Variants in ANK2 observed in about 807,000 individuals in gnomAD.
The protein encoded by ANK2 is ankyrin-2.
A neutral mutation model predicts 360.5 loss-of-function variants in ANK2; 83 were observed. The observed-to-expected ratio is 0.23, with a 90% CI of 0.19 to 0.28. The LOEUF is 0.28. ANK2 is among the 10% of genes least tolerant of loss of function. The pLI is 1.00. For missense variants in ANK2, 4,201 were observed against 4,795.7 expected (o/e 0.88, Z 3.66); for synonymous variants, 1,740 against 1,759.5 (o/e 0.99, Z 0.28).
chr4:113,350,369 C>T (rs1053597286), intron 37 of ANK2, 120 bp downstream of exon 37: 3 of 779,674 alleles, frequency 3.8e-6, no homozygotes, highest in African/African-American at 3.5e-5. Context: ...TTTATATTAT[C>T]CTTATTAATC....
At chr4:113,242,606 C>A (rs2040582834) in intron 9 of ANK2, among the ~76,000 whole-genome samples, 1 of 152,284 alleles carries the variant, frequency 6.6e-6, no homozygotes, top group Admixed American at 6.5e-5. Flanking sequence ...TGTTTACAAT[C>A]TTTTGCTTCT....
intron 2 of ANK2, among the ~76,000 whole-genome samples, chr4:113,039,605 T>A (rs1404096243): frequency 6.6e-6 from 1 of 152,026 alleles, no homozygotes; most frequent in Non-Finnish European, 1.5e-5. Context: ...TGGGGGCTCC[T>A]GAATTCATTT....
At chr4:112,760,914 C>T in the ANK2 span, among the ~76,000 whole-genome samples, 1 of 150,370 alleles carries the variant, frequency 6.7e-6, no homozygotes, top group Non-Finnish European at 1.5e-5. Context: ...TCAAGCAATT[C>T]TCCTGCTTCA....
chr4:112,994,689 A>C (rs938550895), intron 2 of ANK2, among the ~76,000 whole-genome samples: 1 of 152,136 alleles, frequency 6.6e-6, no homozygotes. Flanking sequence ...GGTTTGGGGC[A>C]TGAATGATCC....
intron 40 of ANK2, 115 bp downstream of exon 40, chr4:113,363,584 A>G: frequency 8.0e-6 from 9 of 1,126,282 alleles, no homozygotes; most frequent in Non-Finnish European, 1.2e-5. Flanking sequence ...TCTGCAGTAC[A>G]GTGGGTCCTT....
chr4:113,281,690 A>C (rs190124970), intron 17 of ANK2, among the ~76,000 whole-genome samples: 1 of 152,224 alleles, frequency 6.6e-6, no homozygotes, highest in Non-Finnish European at 1.5e-5. Flanking sequence ...CGGATTTGAT[A>C]AAGAAAAGGA....
At chr4:113,013,236 T>C (rs2055376642) in intron 2 of ANK2, among the ~76,000 whole-genome samples, 1 of 152,166 alleles carries the variant, frequency 6.6e-6, no homozygotes, top group Non-Finnish European at 1.5e-5. Context: ...AGGGTGGTAA[T>C]TTAGCAGCCT....
chr4:112,856,919 G>A (rs1204959832), intron 1 of ANK2, among the ~76,000 whole-genome samples: 1 of 152,178 alleles, frequency 6.6e-6, no homozygotes, highest in Non-Finnish European at 1.5e-5. Flanking sequence ...GTCAGGGTTG[G>A]AAAATTACTG....
Position 113,381,069 on chromosome 4 carries a change from A to G in ANK2, c.11860-388A>G, listed in dbSNP as rs77127351. On this transcript the variant is annotated intron_variant, in intron 45 of 45. Transcript: ENST00000357077. ...TAAAAAAAGGTTTTTTTAGCCTGTC[A>G]AAAGGTACTTGTGGTACTATTTCAG... 5.9e-5 allele frequency among the ~76,000 whole-genome samples: 9 copies of G among 152,352 alleles called. No individual in the cohort carries two copies. In the East Asian group the frequency reaches 1.5e-3, roughly 26 times the overall value.
upstream of ANK2, among the ~76,000 whole-genome samples, chr4:113,048,522 C>T (rs1405016898): frequency 6.7e-6 from 1 of 150,360 alleles, no homozygotes; most frequent in African/African-American, 2.4e-5. Context: ...ATCCACCTGC[C>T]TTGGCCTCCC....
intron 1 of ANK2, among the ~76,000 whole-genome samples, chr4:112,831,315 T>G (rs1434029093): frequency 6.6e-6 from 1 of 152,172 alleles, no homozygotes; most frequent in Non-Finnish European, 1.5e-5. Context: ...AGCTAAAGGA[T>G]TGTAAATGCA....
intron 1 of ANK2, among the ~76,000 whole-genome samples, chr4:112,895,924 C>G (rs543532498): frequency 2.6e-5 from 4 of 152,228 alleles, no homozygotes; most frequent in Admixed American, 1.3e-4. Flanking sequence ...GTCTGTGATT[C>G]AGCGTTGCTG....
At chr4:112,995,778 G>A (rs2048300659) in intron 2 of ANK2, among the ~76,000 whole-genome samples, 1 of 152,124 alleles carries the variant, frequency 6.6e-6, no homozygotes, top group African/African-American at 2.4e-5. Flanking sequence ...ATGGTGATAG[G>A]TAGGGGTCCA....
chr4:113,029,510 C>T (rs1303082363), intron 2 of ANK2, among the ~76,000 whole-genome samples: 2 of 152,020 alleles, frequency 1.3e-5, no homozygotes, highest in Non-Finnish European at 2.9e-5. Context: ...GGATTACAGG[C>T]GTGAGCCACT....
chr4:112,960,327 A>G (rs1293240236), intron 2 of ANK2, among the ~76,000 whole-genome samples: 1 of 151,446 alleles, frequency 6.6e-6, no homozygotes, highest in Non-Finnish European at 1.5e-5. Flanking sequence ...AACCAGAGGT[A>G]GAGCAGCATT....
intron 24 of ANK2, 71 bp from the exon 25 acceptor site, chr4:113,317,636 G>A: frequency 8.5e-7 from 1 of 1,181,460 alleles, no homozygotes; most frequent in Non-Finnish European, 1.3e-6. Context: ...CTCCTGCTCG[G>A]CTCATCATTT....
At chr4:113,096,723 T>A (rs747196590) in intron 1 of ANK2, among the ~76,000 whole-genome samples, 46 of 152,234 alleles carry the variant, frequency 3.0e-4, no homozygotes, top group Middle Eastern at 6.8e-3. Context: ...ATTGTTGTTA[T>A]CATTATTATT....
rs537182350 is a variant in ANK2 at position 113,308,465 on chromosome 4, A to G, written c.2549-2790A>G. The stretch of plus-strand genomic sequence containing the variant: ...ATACAGATCTGTGTATTGTTAGTGG[A>G]CCTCTAAGTCCATGTGATAATATGT... On this transcript the variant is annotated intron_variant, in intron 23 of 45. Transcript: ENST00000357077. 3.3e-5 allele frequency among the ~76,000 whole-genome samples: 5 copies of G among 152,306 alleles called. No homozygotes were observed. The South Asian group carries it at 1.0e-3, about 32-fold the overall frequency.
At chr4:112,734,941 G>A in the ANK2 span, among the ~76,000 whole-genome samples, 1 of 152,124 alleles carries the variant, frequency 6.6e-6, no homozygotes, top group Non-Finnish European at 1.5e-5. Context: ...GATCATTACT[G>A]TTATTAGCTG....
Sources: allele counts gnomAD v4.1 joint callset (sites outside exome capture counted in the v4.1 genomes callset), GRCh38; gene constraint gnomAD v4.1.1; transcripts MANE v1.5; gene names NCBI Gene and HGNC (gene_info 2026-07-23, HGNC 2026-07-21).